The following VPS8 variants were observed in gnomAD, a reference collection of about 807,000 sequenced individuals.
VPS8 encodes the protein VPS8 subunit of CORVET complex.
Under a neutral mutation model 216.4 loss-of-function variants are expected in VPS8, and 129 were observed. The ratio of observed to expected loss-of-function variants is 0.60; its 90% CI spans 0.52 to 0.69. The LOEUF (loss-of-function observed/expected upper bound fraction) is 0.69, where lower values mean the gene tolerates loss of function less well. Among genes scored for constraint, VPS8 ranks in the 30% least tolerant of loss-of-function variants. VPS8 has a pLI of 0.00. For synonymous variants in VPS8, 571 were observed against 565.4 expected (o/e 1.01, Z -0.14); for missense variants, 1,531 against 1,683.5 (o/e 0.91, Z 1.59).
At chr3:185,016,227 T>C (rs1188728992) in intron 45 of VPS8, among the ~76,000 whole-genome samples, 2 of 152,218 alleles carry the variant, frequency 1.3e-5, no homozygotes, top group Non-Finnish European at 2.9e-5. Flanking sequence ...TGTGGCACAA[T>C]GTAGTGTCAT....
chr3:184,822,241 C>A (rs966332347), intron 1 of VPS8, among the ~76,000 whole-genome samples: 1 of 152,106 alleles, frequency 6.6e-6, no homozygotes, highest in Admixed American at 6.5e-5. Context: ...ATAATAGACT[C>A]TTTGGCTTGT....
chr3:184,849,965 A>T lies in VPS8; in HGVS notation c.696A>T (p.Lys232Asn). Reference sequence around the variant, plus strand: ...CCATGTGGGATTTGGCCAGTGGAAAACTTCTAAGATCAATAACAGATGCTC... The same window carrying T: ...CCATGTGGGATTTGGCCAGTGGAAATCTTCTAAGATCAATAACAGATGCTC... Reference protein sequence around the residue: ...QITMWDLASGKLLRSITDAHP... With the variant: ...QITMWDLASGNLLRSITDAHP... Residue 232 changes from lysine to asparagine, a missense_variant, in exon 10 of 48, where the codon AAA becomes AAT. Lys to Asn is a moderately conservative substitution (Grantham distance 94). Transcript: ENST00000625842. The T allele has an allele frequency of 1.2e-6, 2 of 1,613,484 alleles. No homozygotes were observed. Among genetic ancestry groups the T allele is most frequent in the African/African-American group, 2.7e-5 (2 of 75,026 alleles).
intron 25 of VPS8, among the ~76,000 whole-genome samples, chr3:184,902,122 CTT>C (rs1192011417): frequency 3.3e-5 from 4 of 119,564 alleles, no homozygotes; most frequent in Non-Finnish European, 1.8e-5. Context: ...CCCCCCCCCC[CTT>C]TTTTTTTTTT....
intron 3 of VPS8, among the ~76,000 whole-genome samples, chr3:184,828,137 T>TTTTG (rs557153855): frequency 2.6e-5 from 4 of 152,006 alleles, no homozygotes; most frequent in Admixed American, 1.3e-4. Context: ...TTTTGTTTGT[T>TTTTG]TTTGTTTGTT....
chr3:184,957,905 C>A (rs1235792860), intron 37 of VPS8, among the ~76,000 whole-genome samples: 2 of 152,192 alleles, frequency 1.3e-5, no homozygotes, highest in Admixed American at 1.3e-4. Flanking sequence ...CAGATTCCTC[C>A]CGTGCCTGCT....
intron 34 of VPS8, among the ~76,000 whole-genome samples, chr3:184,933,123 A>G (rs1231489258): frequency 6.6e-6 from 1 of 152,224 alleles, no homozygotes; most frequent in Non-Finnish European, 1.5e-5. Context: ...GCTAACTCAT[A>G]ATCTCTGCTC....
rs576940719 is a variant in VPS8 at position 184,983,515 on chromosome 3, T to G, written c.3585+421T>G. ...TTTCTAACTCATCCTAAAATTATTT[T>G]TGTCTTGAATACTCATCCTTGACTC... On this transcript the variant is annotated intron_variant, in intron 42 of 47. Coordinates refer to ENST00000625842, the MANE Select transcript of VPS8 (RefSeq NM_001009921.3). 3.9e-5 allele frequency among the ~76,000 whole-genome samples: 6 copies of G among 152,342 alleles called. No homozygotes were observed. In the East Asian group the frequency reaches 1.2e-3, roughly 29 times the overall value.
intron 31 of VPS8, among the ~76,000 whole-genome samples, chr3:184,927,349 G>A (rs895993954): frequency 1.3e-5 from 2 of 152,110 alleles, no homozygotes; most frequent in Non-Finnish European, 2.9e-5. Context: ...GTAATCATAC[G>A]CAGCTGGGAA....
chr3:184,952,413 G>A (rs1274381778), intron 36 of VPS8, among the ~76,000 whole-genome samples: 4 of 152,156 alleles, frequency 2.6e-5, no homozygotes, highest in Admixed American at 2.6e-4. Context: ...CTTGCCAACT[G>A]AAGAATCACA....
chr3:184,843,275 T>C, intron 8 of VPS8, 30 bp downstream of exon 8: 2 of 1,383,788 alleles, frequency 1.4e-6, no homozygotes, highest in Non-Finnish European at 1.9e-6. Context: ...TTTGCATGAA[T>C]GGTTTCTTTT....
intron 36 of VPS8, among the ~76,000 whole-genome samples, chr3:184,947,516 A>C (rs4422281): frequency 6.6e-6 from 1 of 151,458 alleles, no homozygotes; most frequent in Non-Finnish European, 1.5e-5. Context: ...TTGATCAGTT[A>C]TATCTTATTT....
Position 184,894,917 on chromosome 3 carries a change from A to G in VPS8, c.1996A>G (p.Ile666Val). 6.2e-7 allele frequency: 1 copy of G among 1,602,732 alleles called. No individual in the cohort carries two copies. Among genetic ancestry groups the G allele is most frequent in the Non-Finnish European group, 8.5e-7 (1 of 1,174,630 alleles). Residue 666 changes from isoleucine to valine, a missense_variant, in exon 23 of 48, where the codon ATT becomes GTT. Coordinates refer to ENST00000625842, the MANE Select transcript of VPS8 (RefSeq NM_001009921.3). ...ACATATGGATATCACCAGCCTAGAT[A>G]TTCAGCAGGTGAGTTTATAGACAGT... ...IVHMDITSLD[I>V]QQVVLMCWEN...
intron 40 of VPS8, among the ~76,000 whole-genome samples, chr3:184,972,374 T>C (rs977537230): frequency 6.6e-6 from 1 of 152,202 alleles, no homozygotes; most frequent in African/African-American, 2.4e-5. Context: ...TAGGTCATCA[T>C]TTATCATCGT....
Position 184,862,967 on chromosome 3 carries a change from A to T in VPS8, c.1295A>T (p.Gln432Leu). 6.2e-7 allele frequency: 1 copy of T among 1,613,994 alleles called. No individual in the cohort carries two copies. Among genetic ancestry groups the T allele is most frequent in the African/African-American group, 1.3e-5 (1 of 75,066 alleles). The change falls in exon 16 of 48, where the codon CAA becomes CTA. Residue 432 changes from glutamine to leucine, a missense_variant. Gln to Leu is a moderately radical substitution (Grantham distance 113, BLOSUM62 -2). This residue lies in a region of VPS8 where 1,318 missense variants were observed against 1,468.4 expected (regional missense o/e 0.90). Transcript: ENST00000625842. ...EKLHVIDRQT[Q>L]EELETVEISE... is the part of the protein sequence containing the mutation. ...TTGCATGTGATTGATCGGCAAACACAAGAGGAATTGGAGACAGTGGAGATC... is the reference window on the plus strand; with the variant it reads ...TTGCATGTGATTGATCGGCAAACACTAGAGGAATTGGAGACAGTGGAGATC...
intron 22 of VPS8, among the ~76,000 whole-genome samples, chr3:184,889,983 A>G (rs1246513326): frequency 6.6e-6 from 1 of 152,206 alleles, no homozygotes; most frequent in African/African-American, 2.4e-5. Flanking sequence ...GTTTAATTAA[A>G]TAGTTCAGTC....
intron 13 of VPS8, 49 bp downstream of exon 13, chr3:184,854,222 AG>A (rs1449856138): frequency 6.3e-7 from 1 of 1,594,928 alleles, no homozygotes; most frequent in Non-Finnish European, 8.6e-7. Flanking sequence ...CCATGTCAGG[AG>A]GTTGAGAGAG....
intron 24 of VPS8, among the ~76,000 whole-genome samples, chr3:184,900,650 A>G (rs1428852841): frequency 1.3e-5 from 2 of 152,224 alleles, no homozygotes; most frequent in African/African-American, 4.8e-5. Flanking sequence ...GAACCAAAGG[A>G]TACTTTATAT....
chr3:184,971,424 A>G (rs1303123305), intron 39 of VPS8, among the ~76,000 whole-genome samples: 3 of 152,202 alleles, frequency 2.0e-5, no homozygotes, highest in Non-Finnish European at 4.4e-5. Flanking sequence ...GCTAAGTGTG[A>G]TGTGCTTTAT....
intron 25 of VPS8, among the ~76,000 whole-genome samples, chr3:184,906,967 T>G (rs1156636589): frequency 6.6e-6 from 1 of 152,218 alleles, no homozygotes; most frequent in African/African-American, 2.4e-5. Context: ...TAAAGTTATC[T>G]GAGACCTGTT....
Sources: gnomAD v4.1 joint callset for allele counts (sites outside exome capture counted in the v4.1 genomes callset) on GRCh38, gnomAD v4.1.1 for gene constraint, gnomAD v4.1.1 regional missense constraint, MANE v1.5 for transcripts, NCBI Gene and HGNC (gene_info 2026-07-23, HGNC 2026-07-21) for gene names.